COL9A3: variants seen among roughly 807,000 people sequenced by gnomAD.
The protein encoded by COL9A3 is collagen type IX alpha 3 chain.
COL9A3 carries 82 observed loss-of-function variants against 110.2 expected under a neutral mutation model. That is an observed-to-expected ratio of 0.74 (90% CI 0.62 to 0.89). The LOEUF (loss-of-function observed/expected upper bound fraction) is 0.89. COL9A3 is among the 40% of genes least tolerant of loss of function. The pLI, the probability that COL9A3 is intolerant of heterozygous loss-of-function variation, is 0.00. For synonymous variants in COL9A3, 494 were observed against 403.8 expected, an observed-to-expected ratio of 1.22 and a Z score of -2.68; for missense variants, 1,066 against 981.3, an observed-to-expected ratio of 1.09 and a Z score of -1.15.
At position 62,820,729 on chromosome 20, in the gene COL9A3, G is replaced by A. The variant is rs140939089; in HGVS notation, c.310-452G>A. Among the ~76,000 whole-genome samples, 139 of 152,328 alleles carry A rather than the reference G, an allele frequency of 9.1e-4. 1 individual carries two copies. In the East Asian group the frequency reaches 0.022, roughly 25 times the overall value. On this transcript the variant is annotated intron_variant, in intron 5 of 31. Coordinates refer to ENST00000649368, the MANE Select transcript of COL9A3 (RefSeq NM_001853.4). ...TCCAGCCTCAGCACAGGGCCCGTGCGTGCCGTCCAGGGAATGAGGCATTTC... is the reference window on the plus strand; with the variant it reads ...TCCAGCCTCAGCACAGGGCCCGTGCATGCCGTCCAGGGAATGAGGCATTTC...
chr20:62,820,785 G>C (rs183693191), intron 5 of COL9A3, among the ~76,000 whole-genome samples: 1 of 152,284 alleles, frequency 6.6e-6, no homozygotes, highest in Admixed American at 6.5e-5. Context: ...GGCCCAGAGG[G>C]TGTGGAGGGC....
chr20:62,826,345 T>A, intron 14 of COL9A3, 88 bp downstream of exon 14: 1 of 1,261,132 alleles, frequency 7.9e-7, no homozygotes, highest in Non-Finnish European at 1.1e-6. Flanking sequence ...GCCCCGTGAG[T>A]GACACTCTGA....
intron 9 of COL9A3, 57 bp downstream of exon 9, chr20:62,822,221 G>A (rs1362570207): frequency 2.0e-6 from 2 of 983,436 alleles, no homozygotes; most frequent in Non-Finnish European, 3.3e-6. Context: ...ACACTGGGTT[G>A]GACCCTCCCC....
chr20:62,832,798 A>G, intron 25 of COL9A3: 1 of 541,546 alleles, frequency 1.8e-6, no homozygotes, highest in Non-Finnish European at 3.4e-6. Context: ...AAGCCTCATT[A>G]TGCAAACAAA....
At chr20:62,816,745 C>G (rs1990923835), upstream of COL9A3, among the ~76,000 whole-genome samples, 1 of 152,154 alleles carries the variant, frequency 6.6e-6, no homozygotes, top group East Asian at 1.9e-4. Flanking sequence ...CCCCCACACT[C>G]GGGTTGAGGA....
chr20:62,828,744 T>C lies in COL9A3; in HGVS notation c.901-20T>C. The C allele has an allele frequency of 3.7e-6, 6 of 1,612,388 alleles. No homozygotes were observed. The highest frequency in any genetic ancestry group is 5.1e-6 in the Non-Finnish European group (6 of 1,179,700). Reference sequence around the variant, plus strand: ...AGGGGGGCCACTGCCCGACGGGCCTTACTCATCCCTTGTCCCCAGGGCATG... The same window carrying C: ...AGGGGGGCCACTGCCCGACGGGCCTCACTCATCCCTTGTCCCCAGGGCATG... On this transcript the variant is annotated intron_variant, in intron 17 of 31. Transcript: ENST00000649368.
intron 11 of COL9A3, 152 bp from the exon 12 acceptor site, chr20:62,824,816 T>C: frequency 1.2e-6 from 1 of 867,532 alleles, no homozygotes; most frequent in Non-Finnish European, 1.9e-6. Flanking sequence ...CTCTCAGGCC[T>C]CAGTTTCCCC....
chr20:62,837,456 C>T (rs1568766079), intron 30 of COL9A3, among the ~76,000 whole-genome samples, 191 bp downstream of exon 30: 1 of 152,220 alleles, frequency 6.6e-6, no homozygotes, highest in African/African-American at 2.4e-5. Flanking sequence ...ACATTTTTAA[C>T]ATGTGATGTT....
intron 2 of COL9A3, 95 bp from the exon 3 acceptor site, chr20:62,818,423 G>T (rs948445986): frequency 4.9e-6 from 6 of 1,225,740 alleles, no homozygotes; most frequent in Middle Eastern, 4.9e-4. Context: ...GGCCTCTGGG[G>T]CTGATTTGGA....
At chr20:62,818,422 G>A in intron 2 of COL9A3, 96 bp from the exon 3 acceptor site, 1 of 1,215,778 alleles carries the variant, frequency 8.2e-7, no homozygotes, top group Non-Finnish European at 1.2e-6. Flanking sequence ...GGGCCTCTGG[G>A]GCTGATTTGG....
At chr20:62,837,677 C>G (rs529219863) in intron 30 of COL9A3, among the ~76,000 whole-genome samples, 14 of 152,120 alleles carry the variant, frequency 9.2e-5, no homozygotes, top group Admixed American at 7.9e-4. Flanking sequence ...CATGGTGGCA[C>G]ACGCCTGTAA....
rs2063556785 is a variant in COL9A3 at position 62,826,794 on chromosome 20, G to A, written c.766G>A (p.Gly256Arg). Residue 256 changes from glycine (G) to arginine (R), a missense_variant, in exon 15 of 32, where the codon GGG (glycine) becomes AGG (arginine). Gly to Arg is a moderately radical substitution (Grantham distance 125). Transcript: ENST00000649368. ...TCCCATTGGGTTCCGAGGGCCGCCT[G>A]GGATCCCAGGAGCGCCTGGGAAAGC... ...RGPIGFRGPP[G>R]IPGAPGKAGD... 1 of 1,612,788 alleles carries A rather than the reference G, an allele frequency of 6.2e-7. No individual in the cohort carries two copies. The highest frequency in any genetic ancestry group is 8.5e-7 in the Non-Finnish European group (1 of 1,179,944).
chr20:62,825,760 G>A (rs551167324), intron 12 of COL9A3, 57 bp from the exon 13 acceptor site: 26 of 1,526,300 alleles, frequency 1.7e-5, no homozygotes, highest in African/African-American at 8.3e-5. Context: ...TGGAGGCACC[G>A]AAAGGTGCAA....
At chr20:62,817,248 G>A (rs922050980) in intron 1 of COL9A3, 106 bp downstream of exon 1, 29 of 856,098 alleles carry the variant, frequency 3.4e-5, no homozygotes, top group African/African-American at 1.1e-4. Context: ...CCCCCAGCCC[G>A]TGTCGCCGTC....
At chr20:62,829,034 G>T in intron 19 of COL9A3, 58 bp downstream of exon 19, 1 of 1,537,844 alleles carries the variant, frequency 6.5e-7, no homozygotes, top group South Asian at 1.2e-5. Context: ...CTGCTCAGTG[G>T]CCCATGTTGG....
intron 17 of COL9A3, 133 bp from the exon 18 acceptor site, chr20:62,828,631 C>A (rs6010754): frequency 2.9e-6 from 3 of 1,049,298 alleles, no homozygotes; most frequent in Non-Finnish European, 4.3e-6. Flanking sequence ...GGTCATGAAA[C>A]CAGATAACTG....
intron 17 of COL9A3, 118 bp downstream of exon 17, chr20:62,828,094 C>G (rs1568756352): frequency 9.2e-7 from 1 of 1,087,080 alleles, no homozygotes; most frequent in East Asian, 2.5e-5. Flanking sequence ...ATCTTGAAAT[C>G]TGGGTTAACG....
At chr20:62,832,581 CGT>C (rs983417886) in intron 25 of COL9A3, among the ~76,000 whole-genome samples, 1 of 152,238 alleles carries the variant, frequency 6.6e-6, no homozygotes, top group Non-Finnish European at 1.5e-5. Context: ...CTAGGCTCTG[CGT>C]GTGTGTTTTG....
Position 62,840,563 on chromosome 20 carries a change from C to CCAGCAAGGA in COL9A3, c.1888_1896dup (p.Ser630_Asp632dup), listed in dbSNP as rs756351281. 24 of 1,612,330 alleles carry CCAGCAAGGA rather than the reference C, an allele frequency of 1.5e-5. No individual in the cohort carries two copies. The highest frequency in any genetic ancestry group is 2.0e-5 in the Non-Finnish European group (24 of 1,179,862). ...CAAGGACCCCAAGGCGTGCCCGGCA[C>CCAGCAAGGA]CAGCAAGGACGGCCAGGACGGTGCT... On this transcript the variant is annotated inframe_insertion, in exon 32 of 32. Coordinates refer to ENST00000649368, the MANE Select transcript of COL9A3 (RefSeq NM_001853.4).
Sources: gnomAD v4.1 joint callset for allele counts (sites outside exome capture counted in the v4.1 genomes callset) on GRCh38, gnomAD v4.1.1 for gene constraint, MANE v1.5 for transcripts, NCBI Gene and HGNC (gene_info 2026-07-23, HGNC 2026-07-21) for gene names.